Variants in SVEP1 observed in about 807,000 individuals in gnomAD.
The protein encoded by SVEP1 is sushi, von Willebrand factor type A, EGF and pentraxin domain containing 1, also known as sushi, von Willebrand factor type A, EGF and pentraxin domain-containing protein 1.
A neutral mutation model predicts 367.3 loss-of-function variants in SVEP1; 164 were observed. The ratio of observed to expected loss-of-function variants is 0.45; its 90% confidence interval spans 0.39 to 0.51. The LOEUF (loss-of-function observed/expected upper bound fraction) is 0.51. Among genes scored for constraint, SVEP1 ranks in the 20% least tolerant of loss-of-function variants. The probability of loss-of-function intolerance (pLI) is 0.00; values close to 1 mark genes in which losing one functional copy is unlikely to be tolerated. For synonymous variants in SVEP1, 1,666 were observed against 1,611.6 expected, an observed-to-expected ratio of 1.03 and a Z score of -0.81; for missense variants, 4,117 against 4,425.3, an observed-to-expected ratio of 0.93 and a Z score of 1.98.
chr9:110,503,048 G>A lies in SVEP1; in HGVS notation c.1473C>T (p.Pro491=), dbSNP rs1243864614. 6.2e-7 allele frequency: 1 copy of A among 1,611,422 alleles called. No homozygotes were observed. The highest frequency in any genetic ancestry group is 1.1e-5 in the South Asian group (1 of 90,484). ...CTTCTAGAAACTTACCCACACACCG[G>A]GGTTCTGGCCCATCCCACTGGCTGT... ...QGNSQWDGPE[P]RCVERHCSTF... Residue 491 remains proline (P), a synonymous_variant, in exon 6 of 48, where the codon CCC becomes CCT. Transcript: ENST00000374469.
chr9:110,559,889 C>T (rs900386210), intron 1 of SVEP1, among the ~76,000 whole-genome samples: 30 of 152,016 alleles, frequency 2.0e-4, no homozygotes, highest in African/African-American at 6.5e-4. Flanking sequence ...TTATTGAACA[C>T]TATTAAATTT....
chr9:110,394,274 C>T lies in SVEP1; in HGVS notation c.9823-4687G>A, dbSNP rs149220781. Among the ~76,000 whole-genome samples, 1,162 of 151,940 alleles carry T rather than the reference C, an allele frequency of 7.6e-3. 18 individuals are homozygous for T. Among genetic ancestry groups the T allele is most frequent in the African/African-American group, 0.027 (1,108 of 41,498 alleles). ...TCTGGATTGGACCTCTAGCCAACTCCGACCTGCAGCTGAGGGTCCTGTCTG... is the reference window on the plus strand; with the variant it reads ...TCTGGATTGGACCTCTAGCCAACTCTGACCTGCAGCTGAGGGTCCTGTCTG... On this transcript the variant is annotated intron_variant, in intron 40 of 47. Transcript: ENST00000374469.
chr9:110,382,531 G>A (rs1827453199), intron 43 of SVEP1, among the ~76,000 whole-genome samples: 1 of 152,022 alleles, frequency 6.6e-6, no homozygotes, highest in Non-Finnish European at 1.5e-5. Flanking sequence ...GAGAACCTGA[G>A]GATTATGTGT....
rs752136641 is a variant in SVEP1 at position 110,387,265 on chromosome 9, C to T, written c.10060+20G>A. On this transcript the variant is annotated intron_variant, in intron 42 of 47. Transcript: ENST00000374469. ...GTGAAACTGAATCTGATTAAAATTT[C>T]TCCTAAAGGCAACACACACGTTTGC... The T allele has an allele frequency of 5.8e-6, 9 of 1,552,912 alleles. No homozygotes were observed. The highest frequency in any genetic ancestry group is 7.8e-6 in the Non-Finnish European group (9 of 1,156,970).
intron 1 of SVEP1, among the ~76,000 whole-genome samples, chr9:110,575,590 G>A (rs866013328): frequency 8.5e-5 from 13 of 152,048 alleles, no homozygotes; most frequent in Admixed American, 7.2e-4. Flanking sequence ...ATCTCTTAAA[G>A]GCAAAAGCCT....
rs1324531470 is a variant in SVEP1 at position 110,446,973 on chromosome 9, G to A, written c.4188C>T (p.Ala1396=). Reference sequence around the variant, plus strand: ...ATGAATTTAATTCATCCACACAGGTGGCCTGATTTCTACATGGATTAGACT... The same window carrying A: ...ATGAATTTAATTCATCCACACAGGTAGCCTGATTTCTACATGGATTAGACT... The part of the protein sequence containing the change: ...ECQSNPCRNQ[A]TCVDELNSYS... Residue 1396 remains alanine (A), a synonymous_variant, in exon 25 of 48, where the codon GCC becomes GCT. Coordinates refer to ENST00000374469, the MANE Select transcript of SVEP1 (RefSeq NM_153366.4). 1.3e-6 allele frequency: 2 copies of A among 1,546,484 alleles called. No homozygotes were observed. Among genetic ancestry groups the A allele is most frequent in the African/African-American group, 1.4e-5 (1 of 72,902 alleles).
intron 1 of SVEP1, among the ~76,000 whole-genome samples, chr9:110,565,509 T>C (rs1307845599): frequency 4.6e-5 from 7 of 152,204 alleles, no homozygotes; most frequent in Non-Finnish European, 7.3e-5. Flanking sequence ...TCCTACTGCC[T>C]CAGTGGCTTG....
chr9:110,413,867 G>A (rs1249372391), intron 36 of SVEP1, among the ~76,000 whole-genome samples: 5 of 151,984 alleles, frequency 3.3e-5, no homozygotes, highest in African/African-American at 1.2e-4. Context: ...TACTAATGAA[G>A]GGTAAGGGAA....
At chr9:110,398,726 A>C (rs1295118643) in intron 40 of SVEP1, among the ~76,000 whole-genome samples, 1 of 152,234 alleles carries the variant, frequency 6.6e-6, no homozygotes, top group Non-Finnish European at 1.5e-5. Context: ...TATGCAGCCA[A>C]AAAACACTCA....
intron 33 of SVEP1, 104 bp from the exon 34 acceptor site, chr9:110,430,108 T>C (rs989222346): frequency 1.1e-5 from 1 of 92,312 alleles, no homozygotes; most frequent in Non-Finnish European, 1.5e-5. Context: ...GTTTGTTTTC[T>C]TTTTTTTTTT....
intron 17 of SVEP1, among the ~76,000 whole-genome samples, chr9:110,468,098 C>T (rs1828965829): frequency 6.6e-6 from 1 of 152,206 alleles, no homozygotes; most frequent in Non-Finnish European, 1.5e-5. Context: ...AAACTCTTTT[C>T]TTTATAAATT....
chr9:110,368,717 T>C (rs551709387), intron 47 of SVEP1, among the ~76,000 whole-genome samples: 1 of 152,322 alleles, frequency 6.6e-6, no homozygotes, highest in South Asian at 2.1e-4. Flanking sequence ...TCTCATTTTC[T>C]TAAATTCAGC....
Position 110,408,043 on chromosome 9 carries a change from G to C in SVEP1, c.7557C>G (p.Thr2519=), listed in dbSNP as rs111722103. ...FSYTDLHYGQ[T]VTYSCNRGFR... ...AGCCTCGGTTGCAAGAGTAGGTAAC[G>C]GTCTGTCCATAGTGTAGGTCCGTGT... is the stretch of plus-strand genomic sequence containing the variant. Residue 2519 remains threonine (T), a synonymous_variant, in exon 38 of 48, where the codon ACC becomes ACG. Coordinates refer to ENST00000374469, the MANE Select transcript of SVEP1 (RefSeq NM_153366.4). 1 of 1,613,908 alleles carries C rather than the reference G, an allele frequency of 6.2e-7. No individual in the cohort carries two copies. Among genetic ancestry groups the C allele is most frequent in the South Asian group, 1.1e-5 (1 of 91,068 alleles).
In SVEP1 at chr9:110,455,638, T is replaced by C. The variant is rs1828765910; in HGVS notation, c.3739A>G (p.Lys1247Glu). 1.9e-6 allele frequency: 3 copies of C among 1,613,676 alleles called. No individual in the cohort carries two copies. Among genetic ancestry groups the C allele is most frequent in the Non-Finnish European group, 2.5e-6 (3 of 1,179,708 alleles). The part of the protein sequence containing the change: ...PLPCLNNGVC[K>E]DLVGEFICEC... The stretch of plus-strand genomic sequence containing the variant: ...CAAATGAATTCCCCAACTAGGTCTT[T>C]ACAAACTCCATTGTTGAGGCAAGGC... Residue 1247 changes from lysine to glutamate, a missense_variant, in exon 22 of 48, where the codon AAA becomes GAA. Physicochemically the swap from Lys to Glu is moderately conservative, Grantham distance 56. Coordinates refer to ENST00000374469, the MANE Select transcript of SVEP1 (RefSeq NM_153366.4).
At chr9:110,431,773 G>T in intron 32 of SVEP1, 142 bp downstream of exon 32, 2 of 1,130,392 alleles carry the variant, frequency 1.8e-6, no homozygotes, top group African/African-American at 1.6e-5. Context: ...TGTGTCTTTT[G>T]TAAGAACTTT....
intron 40 of SVEP1, among the ~76,000 whole-genome samples, chr9:110,394,699 ACC>A (rs1827728897): frequency 6.6e-6 from 1 of 152,252 alleles, no homozygotes; most frequent in Non-Finnish European, 1.5e-5. Context: ...GAACTACGTG[ACC>A]AGTGCAGAAG....
At chr9:110,402,565 G>A (rs759315664) in intron 39 of SVEP1, among the ~76,000 whole-genome samples, 1 of 151,948 alleles carries the variant, frequency 6.6e-6, no homozygotes, top group African/African-American at 2.4e-5. Context: ...AACTAATGAA[G>A]GTTGTGAAAA....
intron 5 of SVEP1, among the ~76,000 whole-genome samples, chr9:110,508,253 T>A (rs1188184536): frequency 6.6e-6 from 1 of 152,270 alleles, no homozygotes; most frequent in East Asian, 1.9e-4. Context: ...GTAGACAATA[T>A]AAGAAGCTAC....
At chr9:110,540,175 T>A (rs1368320420) in intron 3 of SVEP1, among the ~76,000 whole-genome samples, 1 of 152,080 alleles carries the variant, frequency 6.6e-6, no homozygotes, top group Non-Finnish European at 1.5e-5. Flanking sequence ...ATCATCATCA[T>A]CATTCTCACT....
Sources: gnomAD v4.1 joint callset for allele counts (sites outside exome capture counted in the v4.1 genomes callset) on GRCh38, gnomAD v4.1.1 for gene constraint, MANE v1.5 for transcripts, NCBI Gene and HGNC (gene_info 2026-07-23, HGNC 2026-07-21) for gene names.